DYSF: variants seen among roughly 807,000 people sequenced by gnomAD.
The protein encoded by DYSF is dysferlin.
Under a neutral mutation model 274.9 loss-of-function variants are expected in DYSF, and 212 were observed. That is an observed-to-expected ratio of 0.77 (90% CI 0.69 to 0.86). DYSF has a LOEUF of 0.86. Ranked by LOEUF, DYSF falls within the 40% of genes least tolerant of loss-of-function variation. DYSF has a pLI of 0.00. For synonymous variants in DYSF, 1,091 were observed against 1,078.7 expected, an observed-to-expected ratio of 1.01 and a Z score of -0.22; for missense variants, 2,666 against 2,783.2, an observed-to-expected ratio of 0.96 and a Z score of 0.95.
chr2:71,455,129 C>T lies in DYSF; in HGVS notation c.88+1043C>T, dbSNP rs2081003865. ...TCACAAGCTCCTGGATACACCTGTT[C>T]ACAGACACCATCTGCACATATGATC... On this transcript the variant is annotated intron_variant, in intron 1 of 54. Transcript: ENST00000258104. Among the ~76,000 whole-genome samples, 3 of 152,312 alleles carry T rather than the reference C, an allele frequency of 2.0e-5. No individual in the cohort carries two copies. The South Asian group carries it at 6.2e-4, about 32-fold the overall frequency.
At chr2:71,507,952 C>A (rs2085670277) in intron 4 of DYSF, among the ~76,000 whole-genome samples, 1 of 152,188 alleles carries the variant, frequency 6.6e-6, no homozygotes, top group Non-Finnish European at 1.5e-5. Flanking sequence ...CCACGCCCAA[C>A]TAGTTTTTGA....
At position 71,519,811 on chromosome 2, in the gene DYSF, GTTTTTTT is replaced by G. The variant is rs70959241; in HGVS notation, c.1003-350_1003-344del. ...AGGCATGCACCACCACACCCGGCTA[GTTTTTTT>G]TTTTTTTTTTTTTTTTGTATTTTTA... On this transcript the variant is annotated intron_variant, in intron 10 of 55. Coordinates refer to ENST00000410020, the MANE Select transcript of DYSF (RefSeq NM_001130987.2). Among the ~76,000 whole-genome samples, 10 of 102,276 alleles carry G rather than the reference GTTTTTTT, an allele frequency of 9.8e-5. No individual in the cohort carries two copies. In the South Asian group the frequency reaches 2.7e-3, roughly 28 times the overall value. The allele number at this position is 102,276 out of a possible 152,430, so 67.1% of individuals were successfully genotyped here. A position where few individuals can be genotyped will look rare whatever the true frequency, so the allele number is the denominator to read the frequency against.
intron 3 of DYSF, among the ~76,000 whole-genome samples, chr2:71,491,104 C>T (rs1573478711): frequency 1.3e-5 from 2 of 152,222 alleles, no homozygotes; most frequent in South Asian, 4.1e-4. Flanking sequence ...TTTATTTTTG[C>T]TAGTAGAACG....
chr2:71,609,973 T>G (rs1055857987), intron 36 of DYSF, among the ~76,000 whole-genome samples: 3 of 152,238 alleles, frequency 2.0e-5, no homozygotes, highest in African/African-American at 7.2e-5. Flanking sequence ...GTAAAGTGTC[T>G]ATCACAGTCC....
chr2:71,472,572 A>G (rs929101727), intron 1 of DYSF, among the ~76,000 whole-genome samples: 1 of 152,000 alleles, frequency 6.6e-6, no homozygotes, highest in African/African-American at 2.4e-5. Context: ...ACGCCAGGCT[A>G]ATTTTTTGTA....
At chr2:71,662,677 ATG>A (rs1333561255) in intron 45 of DYSF, among the ~76,000 whole-genome samples, 1 of 142,182 alleles carries the variant, frequency 7.0e-6, no homozygotes, top group African/African-American at 2.7e-5. Context: ...GTGTCCGTGT[ATG>A]TGTGTGGTGT....
intron 42 of DYSF, among the ~76,000 whole-genome samples, chr2:71,645,860 A>G (rs2094560232): frequency 6.6e-6 from 1 of 152,000 alleles, no homozygotes; most frequent in Non-Finnish European, 1.5e-5. Context: ...TGGAGAGGAG[A>G]AAATGAGAGG....
At chr2:71,462,774 C>T (rs1474246439), upstream of DYSF, among the ~76,000 whole-genome samples, 4 of 152,188 alleles carry the variant, frequency 2.6e-5, no homozygotes, top group East Asian at 1.9e-4. Flanking sequence ...CAGGTCTTCC[C>T]GACAAGTGGA....
At chr2:71,517,077 C>T (rs375755423) in intron 10 of DYSF, 38 bp downstream of exon 10, 6 of 1,598,916 alleles carry the variant, frequency 3.8e-6, no homozygotes, top group Non-Finnish European at 5.1e-6. Flanking sequence ...TCAGTTCTCA[C>T]TTCTCCGTGT....
At chr2:71,526,165 G>A (rs1346850761) in intron 12 of DYSF, 55 bp from the exon 13 acceptor site, 1 of 1,614,014 alleles carries the variant, frequency 6.2e-7, no homozygotes, top group Non-Finnish European at 8.5e-7. Flanking sequence ...GAAAAGGAAA[G>A]TAAAACCCTG....
At chr2:71,532,655 T>G (rs1333480686) in intron 14 of DYSF, among the ~76,000 whole-genome samples, 1 of 152,172 alleles carries the variant, frequency 6.6e-6, no homozygotes, top group Non-Finnish European at 1.5e-5. Flanking sequence ...GCCAGATGCC[T>G]GGGGCAGGGG....
chr2:71,570,155 T>C (rs968994849), intron 27 of DYSF, 74 bp from the exon 28 acceptor site: 2 of 1,382,236 alleles, frequency 1.4e-6, no homozygotes. Context: ...TGTTGTCAAG[T>C]TGCATCTTTT....
chr2:71,565,800 C>T (rs2092062477), intron 24 of DYSF, among the ~76,000 whole-genome samples: 1 of 152,218 alleles, frequency 6.6e-6, no homozygotes, highest in South Asian at 2.1e-4. Flanking sequence ...GCCCACTTTA[C>T]AGGTTTTGAG....
intron 22 of DYSF, among the ~76,000 whole-genome samples, chr2:71,558,557 AC>A (rs1051123663): frequency 6.6e-6 from 1 of 152,004 alleles, no homozygotes; most frequent in Non-Finnish European, 1.5e-5. Flanking sequence ...CCTGCACATG[AC>A]CCCCGTGTTG....
chr2:71,486,746 A>G (rs1246184676), intron 3 of DYSF, among the ~76,000 whole-genome samples: 1 of 152,164 alleles, frequency 6.6e-6, no homozygotes, highest in Non-Finnish European at 1.5e-5. Context: ...TCTGGCTAAA[A>G]TCAGGTTTCC....
At chr2:71,534,250 C>T (rs900855799) in intron 14 of DYSF, among the ~76,000 whole-genome samples, 2 of 152,212 alleles carry the variant, frequency 1.3e-5, no homozygotes, top group Admixed American at 1.3e-4. Context: ...AAAGGCTGCT[C>T]ATTATTTTCA....
chr2:71,604,381 T>A (rs1025602374), intron 36 of DYSF, among the ~76,000 whole-genome samples: 2 of 151,904 alleles, frequency 1.3e-5, no homozygotes, highest in African/African-American at 4.9e-5. Flanking sequence ...TCTGTCTTCT[T>A]TGCTGTGACC....
At position 71,535,047 on chromosome 2, in the gene DYSF, G is replaced by T. The variant is rs150093305; in HGVS notation, c.1407G>T (p.Thr469=). The change falls in exon 15 of 56, where the codon ACG becomes ACT. Residue 469 remains threonine, a synonymous_variant. Coordinates refer to ENST00000410020, the MANE Select transcript of DYSF (RefSeq NM_001130987.2). ...KMLCSKILEK[T]ANPQWNQNIT... The stretch of plus-strand genomic sequence containing the variant: ...TGTGCAGCAAGATCTTGGAGAAGAC[G>T]GCCAACCCTCAGTGGAACCAGAACA... 1 of 1,613,974 alleles carries T rather than the reference G, an allele frequency of 6.2e-7. No homozygotes were observed. The highest frequency in any genetic ancestry group is 1.3e-5 in the African/African-American group (1 of 74,888).
At chr2:71,484,291 G>C (rs1436420509) in intron 3 of DYSF, among the ~76,000 whole-genome samples, 1 of 152,080 alleles carries the variant, frequency 6.6e-6, no homozygotes, top group Admixed American at 6.6e-5. Flanking sequence ...GACCTCAGGT[G>C]ATCCTCCTGG....
Sources: gnomAD v4.1 joint callset for allele counts (sites outside exome capture counted in the v4.1 genomes callset) on GRCh38, gnomAD v4.1.1 for gene constraint, MANE v1.5 for transcripts, NCBI Gene and HGNC (gene_info 2026-07-23, HGNC 2026-07-21) for gene names.